PTHLH: variants seen among roughly 807,000 people sequenced by gnomAD.
PTHLH encodes parathyroid hormone-related protein.
PTHLH carries 5 observed loss-of-function variants against 18.6 expected under a neutral mutation model. That is an observed-to-expected ratio of 0.27 (90% CI 0.14 to 0.56). The LOEUF is 0.56. Ranked by LOEUF, PTHLH falls within the 20% of genes least tolerant of loss-of-function variation. PTHLH has a pLI of 0.92. For missense variants in PTHLH, 207 were observed against 223.9 expected (o/e 0.92, Z 0.48); for synonymous variants, 90 against 94.0 (o/e 0.96, Z 0.25).
intron 5 of PTHLH, chr12:27,961,879 T>C: frequency 1.5e-6 from 1 of 688,030 alleles, no homozygotes; most frequent in East Asian, 2.5e-5. Context: ...TGTAGCAGAG[T>C]CAAAGGAAAT....
At chr12:27,967,719 C>A (rs1346862490) in intron 4 of PTHLH, among the ~76,000 whole-genome samples, 1 of 152,162 alleles carries the variant, frequency 6.6e-6, no homozygotes, top group African/African-American at 2.4e-5. Flanking sequence ...GTTTTATAAC[C>A]ATCTGCTGAG....
chr12:27,960,205 C>G (rs1430348637), intron 5 of PTHLH, among the ~76,000 whole-genome samples: 1 of 152,166 alleles, frequency 6.6e-6, no homozygotes, highest in African/African-American at 2.4e-5. Context: ...ATTTTACAGT[C>G]CTAGCTCTTT....
intron 4 of PTHLH, among the ~76,000 whole-genome samples, chr12:27,964,823 T>C (rs1490204221): frequency 6.6e-6 from 1 of 152,214 alleles, no homozygotes; most frequent in African/African-American, 2.4e-5. Context: ...TAAATGTCCA[T>C]TGTGTATTCT....
At position 27,969,422 on chromosome 12, in the gene PTHLH, G is replaced by T; in HGVS notation, c.73C>A (p.Arg25Ser). The T allele has an allele frequency of 6.3e-7, 1 of 1,590,958 alleles. No individual in the cohort carries two copies. The change falls in exon 4 of 6, where the codon CGC (arginine) becomes AGC (serine). Residue 25 changes from arginine to serine, a missense_variant. Transcript: ENST00000545234. The part of the protein sequence containing the change: ...LLSYAVPSCG[R>S]SVEGLSRRLK... ...CGGCGGCTGAGACCCTCCACCGAGC[G>T]CCCGCAGGAGGGCACCGCGTAGCTC...
At chr12:27,964,255 TCTCTCTCTCTCTC>T (rs1159395717) in intron 4 of PTHLH, among the ~76,000 whole-genome samples, 1 of 40,228 alleles carries the variant, frequency 2.5e-5, no homozygotes. Flanking sequence ...TCTCTCTCTC[TCTCTCTCTCTCTC>T]CTCTCTCTCT....
chr12:27,967,425 C>T (rs1241887896), intron 4 of PTHLH, among the ~76,000 whole-genome samples: 1 of 152,130 alleles, frequency 6.6e-6, no homozygotes, highest in Non-Finnish European at 1.5e-5. Flanking sequence ...TTCCCTAATA[C>T]TTGGTGTGAA....
Position 27,958,539 on chromosome 12 carries a change from GA to G in PTHLH, c.*19del. 6.4e-7 allele frequency: 1 copy of G among 1,570,338 alleles called. No homozygotes were observed. The highest frequency in any genetic ancestry group is 8.7e-7 in the Non-Finnish European group (1 of 1,154,952). On this transcript the variant is annotated 3_prime_UTR_variant, in exon 6 of 6. Transcript: ENST00000545234. ...TACAGAATCCTGCAATATGTCCTTG[GA>G]AGGTCTCTGCTGAAAATTTCAATGC...
At position 27,960,717 on chromosome 12, in the gene PTHLH, C is replaced by CA. The variant is rs146277675; in HGVS notation, c.525-2150dup. ...TGGGCAACAGAGCAAGACTCTGTCTCAAAAAAAAAAAAAAAAAAAGAATAT... is the reference window on the plus strand; with the variant it reads ...TGGGCAACAGAGCAAGACTCTGTCTCAAAAAAAAAAAAAAAAAAAAGAATAT... On this transcript the variant is annotated intron_variant, in intron 5 of 5. Transcript: ENST00000545234. 6.7e-3 allele frequency among the ~76,000 whole-genome samples: 648 copies of CA among 96,038 alleles called. 6 individuals carry two copies. Among genetic ancestry groups the CA allele is most frequent in the East Asian group, 0.012 (37 of 3,198 alleles). The allele number at this position is 96,038 out of a possible 152,430, so 63.0% of individuals were successfully genotyped here. A position where few individuals can be genotyped will look rare whatever the true frequency, so the allele number is the denominator to read the frequency against.
At chr12:27,967,198 A>T (rs1383992068) in intron 4 of PTHLH, among the ~76,000 whole-genome samples, 1 of 152,242 alleles carries the variant, frequency 6.6e-6, no homozygotes, top group African/African-American at 2.4e-5. Flanking sequence ...AGCCTTGTTC[A>T]TCTGCACAAG....
At chr12:27,971,404 C>T (rs1283719875) in intron 2 of PTHLH, among the ~76,000 whole-genome samples, 1 of 152,014 alleles carries the variant, frequency 6.6e-6, no homozygotes, top group Non-Finnish European at 1.5e-5. Context: ...TTGAAAAGAG[C>T]GCGAGTGGAC....
At chr12:27,969,666 C>T (rs1591852809) in intron 3 of PTHLH, 150 bp from the exon 4 acceptor site, 1 of 787,660 alleles carries the variant, frequency 1.3e-6, no homozygotes, top group East Asian at 2.4e-5. Context: ...TTCTCTGGAG[C>T]CTCTCAGCAC....
chr12:27,961,301 GTATATATATA>G (rs56920245), intron 5 of PTHLH, among the ~76,000 whole-genome samples: 8 of 84,560 alleles, frequency 9.5e-5, no homozygotes, highest in African/African-American at 1.7e-4. Context: ...ATATATATAC[GTATATATATA>G]TATATATATA....
intron 4 of PTHLH, chr12:27,969,183 C>T: frequency 1.7e-6 from 1 of 592,300 alleles, no homozygotes. Flanking sequence ...TAAAGTCTCT[C>T]TCTTGCCTGT....
chr12:27,966,639 A>C (rs1427874245), intron 4 of PTHLH, among the ~76,000 whole-genome samples: 3 of 152,210 alleles, frequency 2.0e-5, no homozygotes, highest in Non-Finnish European at 2.9e-5. Context: ...ACTATGGTTC[A>C]CATGACACTT....
chr12:27,963,036 G>A (rs772851504), intron 5 of PTHLH: 36 of 1,252,976 alleles, frequency 2.9e-5, no homozygotes, highest in Non-Finnish European at 3.6e-5. Context: ...TATGAAGATG[G>A]TCACTAGCTT....
At chr12:27,963,793 G>C in intron 4 of PTHLH, 23 bp from the exon 5 acceptor site, 1 of 1,610,928 alleles carries the variant, frequency 6.2e-7, no homozygotes, top group Non-Finnish European at 8.5e-7. Flanking sequence ...ATATTAGAGG[G>C]GAAGAAAACA....
At chr12:27,969,211 C>T in intron 4 of PTHLH, 183 bp downstream of exon 4, 1 of 606,836 alleles carries the variant, frequency 1.6e-6, no homozygotes. Flanking sequence ...TGAAGATCAA[C>T]CAGTTCTCCT....
In PTHLH at chr12:27,970,034, T is replaced by C. The variant is rs771077343; in HGVS notation, c.-32A>G. 1.9e-6 allele frequency: 1 copy of C among 519,032 alleles called. No homozygotes were observed. The highest frequency in any genetic ancestry group is 3.8e-6 in the Non-Finnish European group (1 of 259,872). 32.2% of individuals were successfully genotyped at this position (519,032 alleles called of 1,614,324 possible). A position where few individuals can be genotyped will look rare whatever the true frequency, so the allele number is the denominator to read the frequency against. On this transcript the variant is annotated 5_prime_UTR_variant, in exon 3 of 6. Coordinates refer to ENST00000545234, the MANE Select transcript of PTHLH (RefSeq NM_198965.2). ...ATAGCTGTCTGTCTACCTCCTCTGGTGGGCTGGTTGCTTCCGGAAAGTTGA... is the reference window on the plus strand; with the variant it reads ...ATAGCTGTCTGTCTACCTCCTCTGGCGGGCTGGTTGCTTCCGGAAAGTTGA...
Position 27,969,508 on chromosome 12 carries a change from G to T in PTHLH, c.-14C>A, listed in dbSNP as rs750116551. On this transcript the variant is annotated 5_prime_UTR_variant, in exon 4 of 6. Transcript: ENST00000545234. ...TCTCCGCTGCATCGTCTCCGCTCGC[G>T]CTCGGGACCTGCAACAGAAGGGAAT... The T allele has an allele frequency of 3.8e-6, 6 of 1,560,110 alleles. No individual in the cohort carries two copies. The highest frequency in any genetic ancestry group is 5.2e-6 in the Non-Finnish European group (6 of 1,154,750).
Sources: gnomAD v4.1 joint callset for allele counts (sites outside exome capture counted in the v4.1 genomes callset) on GRCh38, gnomAD v4.1.1 for gene constraint, MANE v1.5 for transcripts, NCBI Gene and HGNC (gene_info 2026-07-23, HGNC 2026-07-21) for gene names.